UBE2N: variants seen among roughly 807,000 people sequenced by gnomAD.
The protein encoded by UBE2N is ubiquitin-conjugating enzyme E2 N.
For missense variants in UBE2N, 60 were observed against 192.1 expected (o/e 0.31, Z 4.07); for synonymous variants, 70 against 69.2 (o/e 1.01, Z -0.06).
intron 1 of UBE2N, among the ~76,000 whole-genome samples, chr12:93,417,117 T>C (rs1565793015): frequency 6.6e-6 from 1 of 152,180 alleles, no homozygotes; most frequent in African/African-American, 2.4e-5. Context: ...GGTAAAGGAA[T>C]AGGGTATGGA....
At position 93,421,531 on chromosome 12, in the gene UBE2N, G is replaced by A. The variant is rs551491463; in HGVS notation, c.31-10232C>T. ...AGCAGTAAATGTCTAATGTTTGGCA[G>A]GGACAGTAAACAGCACGGGAGTTAA... is the stretch of plus-strand genomic sequence containing the variant. On this transcript the variant is annotated intron_variant, in intron 1 of 3. Coordinates refer to ENST00000318066, the MANE Select transcript of UBE2N (RefSeq NM_003348.4). Among the ~76,000 whole-genome samples, 57 of 152,288 alleles carry A rather than the reference G, an allele frequency of 3.7e-4. 1 individual carries two copies. In the South Asian group the frequency reaches 5.6e-3, roughly 15 times the overall value.
chr12:93,435,317 A>G (rs920545923), intron 1 of UBE2N, among the ~76,000 whole-genome samples: 9 of 152,136 alleles, frequency 5.9e-5, no homozygotes, highest in African/African-American at 2.2e-4. Flanking sequence ...TACTAAAAAT[A>G]CAAAAATCAG....
intron 1 of UBE2N, among the ~76,000 whole-genome samples, chr12:93,430,770 A>C (rs1448882674): frequency 6.8e-6 from 1 of 148,106 alleles, no homozygotes; most frequent in Admixed American, 6.8e-5. Context: ...TTATATATGT[A>C]TATATATTTT....
intron 1 of UBE2N, among the ~76,000 whole-genome samples, chr12:93,439,398 A>G (rs560167220): frequency 5.2e-4 from 79 of 152,296 alleles, no homozygotes; most frequent in Non-Finnish European, 1.1e-3. Context: ...AGGATCATCT[A>G]AGACCAGGAG....
chr12:93,414,869 T>C (rs957556450), intron 1 of UBE2N, among the ~76,000 whole-genome samples: 6 of 152,230 alleles, frequency 3.9e-5, no homozygotes, highest in Non-Finnish European at 5.9e-5. Context: ...CATGAGAGGA[T>C]GGATTTGAGT....
At chr12:93,419,051 T>A (rs2121069326) in intron 1 of UBE2N, among the ~76,000 whole-genome samples, 1 of 152,322 alleles carries the variant, frequency 6.6e-6, no homozygotes, top group South Asian at 2.1e-4. Context: ...ATAGGTAAAA[T>A]TTTGTACAGA....
chr12:93,421,207 T>TGGGGG (rs1188470851), intron 1 of UBE2N, among the ~76,000 whole-genome samples: 1 of 107,170 alleles, frequency 9.3e-6, no homozygotes, highest in African/African-American at 4.0e-5. Context: ...CTTTTTTTTT[T>TGGGGG]GGGGGGGCTG....
At chr12:93,414,767 C>T (rs1261114682) in intron 1 of UBE2N, among the ~76,000 whole-genome samples, 1 of 152,128 alleles carries the variant, frequency 6.6e-6, no homozygotes, top group East Asian at 1.9e-4. Flanking sequence ...TCAACCCTAC[C>T]CTGCACACTC....
intron 1 of UBE2N, among the ~76,000 whole-genome samples, chr12:93,436,285 G>C (rs7295796): frequency 0.032 from 4,872 of 152,110 alleles, 287 homozygotes; most frequent in African/African-American, 0.11. Context: ...TTATCTTTTT[G>C]TAGAGACAAG....
rs1233299956 is a variant in UBE2N, at chr12:93,408,754, T to C, written c.*1285A>G. On this transcript the variant is annotated 3_prime_UTR_variant, in exon 4 of 4. Transcript: ENST00000318066. ...AAAGCAAGAATCATTAACTGAGGAC[T>C]TGATACTCTCAAAGGGATAAACCTT... 1 of 152,212 alleles carries C rather than the reference T, an allele frequency of 6.6e-6. No individual in the cohort carries two copies. Among genetic ancestry groups the C allele is most frequent in the Non-Finnish European group, 1.5e-5 (1 of 68,020 alleles). The allele number at this position is 152,212 out of a possible 1,614,324, so 9.4% of individuals were successfully genotyped here.
intron 1 of UBE2N, among the ~76,000 whole-genome samples, chr12:93,426,158 T>C (rs1592747270): frequency 6.6e-6 from 1 of 152,178 alleles, no homozygotes; most frequent in Non-Finnish European, 1.5e-5. Flanking sequence ...GAAGAGGAAA[T>C]GATCCAGACA....
intron 1 of UBE2N, among the ~76,000 whole-genome samples, chr12:93,411,840 TGC>T (rs1323116897): frequency 2.0e-5 from 3 of 152,030 alleles, no homozygotes; most frequent in African/African-American, 7.2e-5. Context: ...ATTACAGGTG[TGC>T]GCCACCACAC....
At chr12:93,439,604 C>G (rs952967608) in intron 1 of UBE2N, among the ~76,000 whole-genome samples, 9 of 152,214 alleles carry the variant, frequency 5.9e-5, no homozygotes, top group Non-Finnish European at 5.9e-5. Context: ...ATCCACCACA[C>G]AGAAGTTTGT....
intron 1 of UBE2N, among the ~76,000 whole-genome samples, chr12:93,418,913 T>C (rs1878309598): frequency 6.6e-6 from 1 of 152,228 alleles, no homozygotes; most frequent in African/African-American, 2.4e-5. Context: ...ACTAGTCATA[T>C]TTCAACTACT....
intron 1 of UBE2N, chr12:93,429,276 A>T: frequency 2.4e-6 from 1 of 424,932 alleles, no homozygotes. Flanking sequence ...TCTCAAAAAA[A>T]AAAAAAGAAA....
chr12:93,426,239 G>A (rs1274261437), intron 1 of UBE2N, among the ~76,000 whole-genome samples: 2 of 152,070 alleles, frequency 1.3e-5, no homozygotes, highest in African/African-American at 2.4e-5. Flanking sequence ...AATAGAGTAC[G>A]ATGGACAATA....
At chr12:93,415,549 T>C (rs1878180822) in intron 1 of UBE2N, among the ~76,000 whole-genome samples, 2 of 152,194 alleles carry the variant, frequency 1.3e-5, no homozygotes, top group South Asian at 4.1e-4. Flanking sequence ...GGAAGTCCTT[T>C]AACATGTGAC....
rs1472819838 is a variant in UBE2N at position 93,429,795 on chromosome 12, G to GT, written c.30+12059dup. Reference sequence around the variant, plus strand: ...CAAAAAAGTTTTTTTAAAAAAGATTGTAAGAGAAAAAAGCTTATAGGATAT... The same window carrying GT: ...CAAAAAAGTTTTTTTAAAAAAGATTGTTAAGAGAAAAAAGCTTATAGGATAT... On this transcript the variant is annotated intron_variant, in intron 1 of 3. Coordinates refer to ENST00000318066, the MANE Select transcript of UBE2N (RefSeq NM_003348.4). Among the ~76,000 whole-genome samples, 6 of 152,000 alleles carry GT rather than the reference G, an allele frequency of 3.9e-5. No homozygotes were observed. In the South Asian group the frequency reaches 1.0e-3, roughly 26 times the overall value.
intron 1 of UBE2N, among the ~76,000 whole-genome samples, chr12:93,423,062 ACTG>A (rs1268585424): frequency 1.3e-5 from 2 of 152,224 alleles, no homozygotes; most frequent in African/African-American, 4.8e-5. Context: ...TCTGGAGAGA[ACTG>A]CAGTAGTTAC....
Sources: gnomAD v4.1 joint callset for allele counts (sites outside exome capture counted in the v4.1 genomes callset) on GRCh38, gnomAD v4.1.1 for gene constraint, MANE v1.5 for transcripts, NCBI Gene and HGNC (gene_info 2026-07-23, HGNC 2026-07-21) for gene names.